RIMS1: variants seen among roughly 807,000 people sequenced by gnomAD.
The protein encoded by RIMS1 is regulating synaptic membrane exocytosis protein 1.
In RIMS1, 83 loss-of-function variants were observed where a neutral mutation model predicts 214.1. The ratio of observed to expected loss-of-function variants is 0.39; its 90% CI spans 0.32 to 0.47. RIMS1 has a LOEUF of 0.47. Ranked by LOEUF, RIMS1 falls within the 20% of genes least tolerant of loss-of-function variation. The pLI, the probability that RIMS1 is intolerant of heterozygous loss-of-function variation, is 0.99. For missense variants in RIMS1, 2,050 were observed against 2,161.8 expected, an observed-to-expected ratio of 0.95 and a Z score of 1.03; for synonymous variants, 793 against 786.8, an observed-to-expected ratio of 1.01 and a Z score of -0.13.
chr6:72,310,492 C>G (rs913919546), intron 27 of RIMS1, among the ~76,000 whole-genome samples: 5 of 151,856 alleles, frequency 3.3e-5, no homozygotes, highest in African/African-American at 9.7e-5. Context: ...TAGGTACTCA[C>G]AATTTAAAGA....
intron 29 of RIMS1, among the ~76,000 whole-genome samples, chr6:72,356,677 T>G (rs1201873149): frequency 6.6e-6 from 1 of 151,994 alleles, no homozygotes; most frequent in East Asian, 1.9e-4. Context: ...GGAGAATCGC[T>G]TGAACCCCAG....
At chr6:72,072,265 CA>C (rs1167770087) in intron 2 of RIMS1, among the ~76,000 whole-genome samples, 1 of 152,100 alleles carries the variant, frequency 6.6e-6, no homozygotes, top group Non-Finnish European at 1.5e-5. Context: ...TCACTATTTG[CA>C]GAGTATTTTT....
At chr6:72,314,066 G>C (rs866709646) in intron 28 of RIMS1, among the ~76,000 whole-genome samples, 3 of 152,142 alleles carry the variant, frequency 2.0e-5, no homozygotes, top group African/African-American at 7.2e-5. Context: ...CAACATGGGT[G>C]TGTGTGTGTA....
chr6:72,334,131 A>G (rs2096762480), intron 29 of RIMS1, among the ~76,000 whole-genome samples: 1 of 151,900 alleles, frequency 6.6e-6, no homozygotes, highest in South Asian at 2.1e-4. Flanking sequence ...ATCCAAATTT[A>G]TTTACATGCA....
intron 1 of RIMS1, among the ~76,000 whole-genome samples, chr6:71,968,410 TAC>T (rs60480318): frequency 4.6e-5 from 7 of 151,524 alleles, no homozygotes; most frequent in African/African-American, 9.7e-5. Context: ...TTTCTTCTTT[TAC>T]ACACACACAC....
At chr6:71,895,673 CAAAAAAA>C (rs70994105) in intron 1 of RIMS1, among the ~76,000 whole-genome samples, 19 of 64,224 alleles carry the variant, frequency 3.0e-4, no homozygotes, top group African/African-American at 1.1e-3. Context: ...GACTCCCTCT[CAAAAAAA>C]AAAAAAAAAA....
rs200069474 is a variant in RIMS1 at position 71,992,558 on chromosome 6, C to CTCT, written c.245+23513_245+23515dup. Among the ~76,000 whole-genome samples the CTCT allele has an allele frequency of 4.1e-4, 60 of 146,204 alleles. 1 individual carries two copies. The East Asian group carries it at 5.8e-3, about 14-fold the overall frequency. On this transcript the variant is annotated intron_variant, in intron 2 of 33. Transcript: ENST00000521978. ...CCTCCTCTTCTTCTTCTCCTTCTTC[C>CTCT]TCTTCTTCTTCTTCTTCTTCCTCTT...
chr6:72,347,916 C>T lies in RIMS1; in HGVS notation c.4366+14081C>T, dbSNP rs565262197. On this transcript the variant is annotated intron_variant, in intron 29 of 33. Transcript: ENST00000521978. ...AGAATTCATGTCACAAAATGAACTC[C>T]GAAGTAAATCAAGGGTAATGACCAC... 3.9e-5 allele frequency among the ~76,000 whole-genome samples: 6 copies of T among 151,936 alleles called. No homozygotes were observed. In the East Asian group the frequency reaches 9.7e-4, roughly 25 times the overall value.
chr6:72,097,047 C>T lies in RIMS1; in HGVS notation c.344C>T (p.Thr115Ile), dbSNP rs1278333986. 1.9e-6 allele frequency: 3 copies of T among 1,613,888 alleles called. No homozygotes were observed. Among genetic ancestry groups the T allele is most frequent in the East Asian group, 2.2e-5 (1 of 44,890 alleles). The change falls in exon 3 of 34, where the codon ACT becomes ATT. Residue 115 changes from threonine to isoleucine, a missense_variant. Physicochemically the swap from Thr to Ile is moderately conservative, Grantham distance 89 (BLOSUM62 -1). Transcript: ENST00000521978. The stretch of plus-strand genomic sequence containing the variant: ...GGCGAGCACAAAGACGATGCTCCGA[C>T]TTGTGGAATCTGTCATAAAACAAAG... ...YQGEHKDDAP[T>I]CGICHKTKFA...
chr6:72,223,897 G>A (rs1376869954), intron 6 of RIMS1, among the ~76,000 whole-genome samples: 1 of 142,112 alleles, frequency 7.0e-6, no homozygotes, highest in African/African-American at 2.7e-5. Context: ...GCAGTGAGCC[G>A]AGATCGCGCC....
At chr6:72,367,711 G>T (rs749970273) in intron 29 of RIMS1, among the ~76,000 whole-genome samples, 1 of 152,134 alleles carries the variant, frequency 6.6e-6, no homozygotes, top group Non-Finnish European at 1.5e-5. Context: ...TTCAAAAACA[G>T]TGCTGTTCTC....
At chr6:71,889,348 A>G (rs1282557546) in intron 1 of RIMS1, among the ~76,000 whole-genome samples, 1 of 152,246 alleles carries the variant, frequency 6.6e-6, no homozygotes, top group Non-Finnish European at 1.5e-5. Flanking sequence ...AATAAAAATT[A>G]GGAGCACTGT....
chr6:72,118,551 T>C (rs1254399929), intron 4 of RIMS1, among the ~76,000 whole-genome samples: 1 of 151,718 alleles, frequency 6.6e-6, no homozygotes, highest in Non-Finnish European at 1.5e-5. Context: ...ATATTCCTGA[T>C]GAACATAGAT....
chr6:72,280,554 ATTCTT>A (rs2089587495), intron 23 of RIMS1, among the ~76,000 whole-genome samples: 1 of 152,040 alleles, frequency 6.6e-6, no homozygotes, highest in Non-Finnish European at 1.5e-5. Context: ...TAATTTACGT[ATTCTT>A]TTAAGGGGTT....
At chr6:72,229,403 C>A (rs1450857831) in intron 6 of RIMS1, among the ~76,000 whole-genome samples, 1 of 151,786 alleles carries the variant, frequency 6.6e-6, no homozygotes, top group Non-Finnish European at 1.5e-5. Context: ...TTATAAAATA[C>A]ACTTTAATAT....
chr6:71,934,287 C>A (rs960625068), intron 1 of RIMS1, among the ~76,000 whole-genome samples: 28 of 152,128 alleles, frequency 1.8e-4, no homozygotes, highest in Non-Finnish European at 3.1e-4. Context: ...TTTGAAAACT[C>A]TTGGCGCCTA....
At chr6:72,227,632 C>T (rs994101371) in intron 6 of RIMS1, among the ~76,000 whole-genome samples, 14 of 152,054 alleles carry the variant, frequency 9.2e-5, no homozygotes, top group African/African-American at 2.9e-4. Context: ...CTTTCCTGGA[C>T]CAGCTACTGA....
intron 28 of RIMS1, among the ~76,000 whole-genome samples, chr6:72,318,240 A>G (rs1237622693): frequency 6.6e-6 from 1 of 152,016 alleles, no homozygotes; most frequent in African/African-American, 2.4e-5. Flanking sequence ...AATTACTTCT[A>G]TATTGGTGTA....
intron 33 of RIMS1, among the ~76,000 whole-genome samples, chr6:72,400,120 C>A (rs561304392): frequency 6.6e-6 from 1 of 152,100 alleles, no homozygotes. Flanking sequence ...CTAAATTGCA[C>A]AAATTTTAAT....
Sources: allele counts gnomAD v4.1 joint callset (sites outside exome capture counted in the v4.1 genomes callset), GRCh38; gene constraint gnomAD v4.1.1; transcripts MANE v1.5; gene names NCBI Gene and HGNC (gene_info 2026-07-23, HGNC 2026-07-21).